ECM1: variants seen among roughly 807,000 people sequenced by gnomAD.
ECM1 encodes the protein extracellular matrix protein 1.
In ECM1, 54 loss-of-function variants were observed where a neutral mutation model predicts 57.9. The ratio of observed to expected loss-of-function variants is 0.93; its 90% CI spans 0.75 to 1.17. The LOEUF (loss-of-function observed/expected upper bound fraction) is 1.17, where lower values mean the gene tolerates loss of function less well. Among genes scored for constraint, ECM1 ranks in the 50% most tolerant of loss-of-function variants. ECM1 has a pLI of 0.00. For missense variants in ECM1, 649 were observed against 688.1 expected (o/e 0.94, Z 0.64); for synonymous variants, 237 against 259.1 (o/e 0.91, Z 0.82).
rs1387839704 is a variant in ECM1 at position 150,513,299 on chromosome 1, C to G, written c.1455C>G (p.Leu485=). 6.2e-6 allele frequency: 10 copies of G among 1,614,172 alleles called. No individual in the cohort carries two copies. The highest frequency in any genetic ancestry group is 7.6e-6 in the Non-Finnish European group (9 of 1,180,058). Residue 485 remains leucine (L), a synonymous_variant, in exon 10 of 10, where the codon CTC becomes CTG. Transcript: ENST00000369047. ...PRRNIWRDPA[L]CCYLSPGDEQ... ...GTAACATCTGGCGAGACCCTGCCCT[C>G]TGCTGTTACCTGAGTCCTGGGGATG...
In ECM1 at chr1:150,509,658, T is replaced by C. The variant is rs375534923; in HGVS notation, c.122-3T>C. Reference sequence around the variant, plus strand: ...GCTCTGATGTCTCCCCTCTTGCTTCTAGTTGGCTACGCAGCTCCCCCCTCC... The same window carrying C: ...GCTCTGATGTCTCCCCTCTTGCTTCCAGTTGGCTACGCAGCTCCCCCCTCC... On this transcript the variant is annotated splice_polypyrimidine_tract_variant and splice_region_variant and intron_variant, in intron 2 of 9. Coordinates refer to ENST00000369047, the MANE Select transcript of ECM1 (RefSeq NM_004425.4). 1.9e-6 allele frequency: 3 copies of C among 1,613,872 alleles called. No individual in the cohort carries two copies. In the Admixed American group the frequency reaches 5.0e-5, roughly 27 times the overall value.
chr1:150,512,886 C>A, intron 9 of ECM1, 74 bp downstream of exon 9: 3 of 1,503,576 alleles, frequency 2.0e-6, no homozygotes, highest in Non-Finnish European at 2.8e-6. Context: ...CAGGCCACCC[C>A]TTCTCTTTAG....
Position 150,508,405 on chromosome 1 carries a change from G to A in ECM1, c.70+126G>A, listed in dbSNP as rs980418014. The stretch of plus-strand genomic sequence containing the variant: ...CGTTTGGCTTTCCTTTTCTGAGCAG[G>A]CCCAAAGTGGGCCTAGGCCAGTGGA... On this transcript the variant is annotated intron_variant, in intron 1 of 9. Transcript: ENST00000369047. 4.1e-6 allele frequency: 4 copies of A among 977,876 alleles called. No homozygotes were observed. In the African/African-American group the frequency reaches 4.8e-5, roughly 12 times the overall value. 60.6% of individuals were successfully genotyped at this position (977,876 alleles called of 1,614,324 possible).
intron 5 of ECM1, 65 bp downstream of exon 5, chr1:150,510,247 C>A: frequency 2.0e-6 from 3 of 1,483,546 alleles, no homozygotes; most frequent in Non-Finnish European, 2.8e-6. Context: ...GCATGGGCTT[C>A]GGGGCAGACA....
intron 1 of ECM1, chr1:150,509,244 G>A (rs1207964475): frequency 1.9e-6 from 1 of 520,300 alleles, no homozygotes; most frequent in African/African-American, 1.9e-5. Context: ...AGGAAATGAG[G>A]GCCTCCCTCC....
chr1:150,508,181 C>T lies in ECM1; in HGVS notation c.-29C>T. 6.2e-7 allele frequency: 1 copy of T among 1,613,104 alleles called. No individual in the cohort carries two copies. The highest frequency in any genetic ancestry group is 8.5e-7 in the Non-Finnish European group (1 of 1,179,230). On this transcript the variant is annotated 5_prime_UTR_variant, in exon 1 of 10. Transcript: ENST00000369047. ...CAGACTTGCCTGAGAGGACCCACCT[C>T]TGAGTGTCCAGTGGTCAGTTGCCCC... is the stretch of plus-strand genomic sequence containing the variant.
Position 150,513,427 on chromosome 1 carries a change from G to T in ECM1, c.1583G>T (p.Gly528Val). 1 of 1,613,954 alleles carries T rather than the reference G, an allele frequency of 6.2e-7. No individual in the cohort carries two copies. Among genetic ancestry groups the T allele is most frequent in the South Asian group, 1.1e-5 (1 of 91,062 alleles). Reference sequence around the variant, plus strand: ...CAGGGGGAGCAGGGCTCAACTGGAGGAACAAATATCAGCTCCACCTCTGAG... The same window carrying T: ...CAGGGGGAGCAGGGCTCAACTGGAGTAACAAATATCAGCTCCACCTCTGAG... Reference protein sequence around the residue: ...KGQGEQGSTGGTNISSTSEPK... With the variant: ...KGQGEQGSTGVTNISSTSEPK... The change falls in exon 10 of 10, where the codon GGA becomes GTA. Residue 528 changes from glycine to valine, a missense_variant. Coordinates refer to ENST00000369047, the MANE Select transcript of ECM1 (RefSeq NM_004425.4).
rs1670451070 is a variant in ECM1 at position 150,511,775 on chromosome 1, A to G, written c.1027A>G (p.Arg343Gly). 2 of 1,613,576 alleles carry G rather than the reference A, an allele frequency of 1.2e-6. No homozygotes were observed. The highest frequency in any genetic ancestry group is 4.5e-5 in the East Asian group (2 of 44,832). ...RELLALIQLE[R>G]EFQRCCRQGN... ...GCTGCTGGCACTGATCCAGCTGGAG[A>G]GGGAGTTCCAGCGCTGCTGCCGCCA... The change falls in exon 7 of 10, where the codon AGG becomes GGG. Residue 343 changes from arginine (R) to glycine (G), a missense_variant. Arg to Gly is a moderately radical substitution (Grantham distance 125, BLOSUM62 -2). Coordinates refer to ENST00000369047, the MANE Select transcript of ECM1 (RefSeq NM_004425.4).
chr1:150,512,373 T>C lies in ECM1; in HGVS notation c.1105T>C (p.Tyr369His). The C allele has an allele frequency of 1.9e-6, 3 of 1,613,108 alleles. No homozygotes were observed. Among genetic ancestry groups the C allele is most frequent in the Non-Finnish European group, 2.5e-6 (3 of 1,179,854 alleles). The change falls in exon 8 of 10, where the codon TAC becomes CAC. Residue 369 changes from tyrosine to histidine, a missense_variant. Physicochemically the swap from Tyr to His is moderately conservative, Grantham distance 83. Transcript: ENST00000369047. Reference sequence around the variant, plus strand: ...ACAGTGGGAGGATACCCTTGACAAATACTGTGACCGGGAGTATGCTGTGAA... The same window carrying C: ...ACAGTGGGAGGATACCCTTGACAAACACTGTGACCGGGAGTATGCTGTGAA... ...WKAWEDTLDKYCDREYAVKTH... is the reference protein window; with the variant it reads ...WKAWEDTLDKHCDREYAVKTH...
At chr1:150,509,631 G>A (rs754107840) in intron 2 of ECM1, 30 bp from the exon 3 acceptor site, 2 of 1,613,798 alleles carry the variant, frequency 1.2e-6, no homozygotes, top group African/African-American at 2.7e-5. Context: ...GAGGCACTGT[G>A]GGCTCTGATG....
Position 150,511,571 on chromosome 1 carries a change from C to T in ECM1, c.823C>T (p.Pro275Ser). The T allele has an allele frequency of 6.2e-7, 1 of 1,614,140 alleles. No individual in the cohort carries two copies. Among genetic ancestry groups the T allele is most frequent in the Non-Finnish European group, 8.5e-7 (1 of 1,180,014 alleles). Residue 275 changes from proline to serine, a missense_variant, in exon 7 of 10, where the codon CCC (proline) becomes TCC (serine). Pro to Ser is a moderately conservative substitution (Grantham distance 74). Coordinates refer to ENST00000369047, the MANE Select transcript of ECM1 (RefSeq NM_004425.4). Reference sequence around the variant, plus strand: ...GTTCTCCTGCTTCCAGGAGGAAGCTCCCCAGCCACACTACCAGCTCCGGGC... The same window carrying T: ...GTTCTCCTGCTTCCAGGAGGAAGCTTCCCAGCCACACTACCAGCTCCGGGC... ...ARFSCFQEEA[P>S]QPHYQLRACP...
Position 150,509,560 on chromosome 1 carries a change from A to T in ECM1, c.100A>T (p.Arg34Trp). ...GFTATGQRQL[R>W]PEHFQEVGYA... ...CACGGCTACAGGACAGAGGCAGCTG[A>T]GGCCAGAGCACTTTCAAGAAGGTAA... is the stretch of plus-strand genomic sequence containing the variant. Residue 34 changes from arginine to tryptophan, a missense_variant, in exon 2 of 10, where the codon AGG (arginine) becomes TGG (tryptophan). Physicochemically the swap from Arg to Trp is moderately radical, Grantham distance 101. Coordinates refer to ENST00000369047, the MANE Select transcript of ECM1 (RefSeq NM_004425.4). 1.2e-6 allele frequency: 2 copies of T among 1,614,132 alleles called. No individual in the cohort carries two copies. The highest frequency in any genetic ancestry group is 1.7e-6 in the Non-Finnish European group (2 of 1,180,002).
In ECM1 at chr1:150,510,869, A is replaced by G; in HGVS notation, c.386-7A>G. ...GTCCCCGCTTCCCACTGTTTTCCCC[A>G]TTCCAGGAACGCCAGCTCCATTTGG... On this transcript the variant is annotated splice_polypyrimidine_tract_variant and splice_region_variant and intron_variant, in intron 5 of 9. Transcript: ENST00000369047. The G allele has an allele frequency of 6.2e-7, 1 of 1,613,684 alleles. No individual in the cohort carries two copies. Among genetic ancestry groups the G allele is most frequent in the Middle Eastern group, 1.7e-4 (1 of 6,060 alleles).
Position 150,513,345 on chromosome 1 carries a change from A to G in ECM1, c.1501A>G (p.Ile501Val). The G allele has an allele frequency of 6.2e-7, 1 of 1,614,218 alleles. No homozygotes were observed. Among genetic ancestry groups the G allele is most frequent in the Non-Finnish European group, 8.5e-7 (1 of 1,180,020 alleles). The change falls in exon 10 of 10, where the codon ATC (isoleucine) becomes GTC (valine). Residue 501 changes from isoleucine (I) to valine (V), a missense_variant. By Grantham distance (29) the Ile-to-Val change is conservative. Coordinates refer to ENST00000369047, the MANE Select transcript of ECM1 (RefSeq NM_004425.4). Reference protein sequence around the residue: ...PGDEQVNCFNINYLRNVALVS... With the variant: ...PGDEQVNCFNVNYLRNVALVS... ...GGATGAACAGGTCAACTGCTTCAAC[A>G]TCAATTATCTGAGGAACGTGGCTCT...
intron 1 of ECM1, among the ~76,000 whole-genome samples, chr1:150,508,819 G>GA (rs1033730139): frequency 2.6e-5 from 4 of 152,108 alleles, no homozygotes; most frequent in Non-Finnish European, 4.4e-5. Flanking sequence ...AAAAGAAAAG[G>GA]AAAAAAACCA....
At chr1:150,510,078 G>A (rs771438410) in intron 4 of ECM1, 24 bp from the exon 5 acceptor site, 45 of 1,613,616 alleles carry the variant, frequency 2.8e-5, no homozygotes, top group Non-Finnish European at 3.6e-5. Flanking sequence ...CCTGCTCCTT[G>A]GTGCCCTCAC....
chr1:150,511,757 G>C lies in ECM1; in HGVS notation c.1009G>C (p.Ala337Pro). The change falls in exon 7 of 10, where the codon GCA (alanine) becomes CCA (proline). Residue 337 changes from alanine (A) to proline (P), a missense_variant. Coordinates refer to ENST00000369047, the MANE Select transcript of ECM1 (RefSeq NM_004425.4). ...ATDPLQRELL[A>P]LIQLEREFQR... ...TGACCCCCTACAAAGGGAGCTGCTG[G>C]CACTGATCCAGCTGGAGAGGGAGTT... 6.2e-7 allele frequency: 1 copy of C among 1,613,970 alleles called. No homozygotes were observed. The highest frequency in any genetic ancestry group is 1.7e-5 in the Admixed American group (1 of 60,016).
intron 5 of ECM1, 108 bp from the exon 6 acceptor site, chr1:150,510,768 C>G (rs987512080): frequency 7.4e-5 from 84 of 1,137,848 alleles, no homozygotes; most frequent in Non-Finnish European, 1.0e-4. Context: ...CCACTATATC[C>G]TCCCAACCCT....
chr1:150,509,292 C>CT (rs1459852773), intron 1 of ECM1: 1 of 602,538 alleles, frequency 1.7e-6, no homozygotes, highest in African/African-American at 1.8e-5. Flanking sequence ...GGCCCAACCT[C>CT]TGAGCCAGTA....
Sources: allele counts gnomAD v4.1 joint callset (sites outside exome capture counted in the v4.1 genomes callset), GRCh38; gene constraint gnomAD v4.1.1; transcripts MANE v1.5; gene names NCBI Gene and HGNC (gene_info 2026-07-23, HGNC 2026-07-21).